The following DOCK7 variants were observed in gnomAD, a reference collection of about 807,000 sequenced individuals.
The protein encoded by DOCK7 is dedicator of cytokinesis 7.
Under a neutral mutation model 271.0 loss-of-function variants are expected in DOCK7, and 138 were observed. The ratio of observed to expected loss-of-function variants is 0.51; its 90% CI spans 0.44 to 0.59. The LOEUF is 0.59. DOCK7 is among the 20% of genes least tolerant of loss of function. The probability of loss-of-function intolerance (pLI) is 0.00; values close to 1 mark genes in which losing one functional copy is unlikely to be tolerated. For missense variants in DOCK7, 2,066 were observed against 2,592.4 expected (o/e 0.80, Z 4.41); for synonymous variants, 823 against 876.1 (o/e 0.94, Z 1.07).
chr1:62,469,106 T>C (rs1236827061), intron 48 of DOCK7, among the ~76,000 whole-genome samples: 3 of 152,130 alleles, frequency 2.0e-5, no homozygotes, highest in East Asian at 3.8e-4. Context: ...AGAGCCCACA[T>C]AGCCAAAGCG....
chr1:62,454,899 G>A lies in DOCK7; in HGVS notation c.*515C>T. ...AACAGTTACCAAACTCATTAATTTGGGGCTATCTATGATTTTTATTCTGCT... is the reference window on the plus strand; with the variant it reads ...AACAGTTACCAAACTCATTAATTTGAGGCTATCTATGATTTTTATTCTGCT... On this transcript the variant is annotated 3_prime_UTR_variant, in exon 50 of 50. Transcript: ENST00000635253. 2 of 273,954 alleles carry A rather than the reference G, an allele frequency of 7.3e-6. No homozygotes were observed. Among genetic ancestry groups the A allele is most frequent in the East Asian group, 1.2e-4 (2 of 16,150 alleles). 17.0% of individuals were successfully genotyped at this position (273,954 alleles called of 1,614,324 possible).
chr1:62,575,113 C>T (rs866451215), intron 18 of DOCK7, among the ~76,000 whole-genome samples: 4 of 152,238 alleles, frequency 2.6e-5, no homozygotes, highest in African/African-American at 9.6e-5. Context: ...ACAACCACAG[C>T]AAAGTGCAGC....
chr1:62,675,098 G>C (rs916221938), intron 1 of DOCK7, among the ~76,000 whole-genome samples: 1 of 152,116 alleles, frequency 6.6e-6, no homozygotes, highest in Non-Finnish European at 1.5e-5. Context: ...CAACTCAAAA[G>C]CAAGATAAAT....
At chr1:62,586,180 T>C (rs780665051) in intron 15 of DOCK7, among the ~76,000 whole-genome samples, 4 of 152,198 alleles carry the variant, frequency 2.6e-5, no homozygotes, top group Non-Finnish European at 4.4e-5. Flanking sequence ...ACAGAAAAGA[T>C]ATCTCTACTT....
chr1:62,584,485 G>A, intron 15 of DOCK7: 2 of 1,045,902 alleles, frequency 1.9e-6, no homozygotes, highest in Non-Finnish European at 2.3e-6. Context: ...TAAAAACATT[G>A]TATTTTCATA....
At chr1:62,561,828 AAATT>A (rs1409283037) in intron 18 of DOCK7, 125 bp from the exon 19 acceptor site, 205 of 512,952 alleles carry the variant, frequency 4.0e-4, no homozygotes, top group African/African-American at 3.7e-3. Flanking sequence ...CACTGTAAAT[AAATT>A]AAGAACTTTT....
chr1:62,626,381 G>C (rs1186650378), intron 11 of DOCK7, among the ~76,000 whole-genome samples: 2 of 151,850 alleles, frequency 1.3e-5, no homozygotes, highest in African/African-American at 4.8e-5. Flanking sequence ...GGCAACTGCA[G>C]AGTGGAAATA....
chr1:62,495,543 C>G (rs1646596206), intron 39 of DOCK7, 38 bp downstream of exon 39: 1 of 1,378,426 alleles, frequency 7.3e-7, no homozygotes. Context: ...CTTACTAAGT[C>G]CCTTATACAA....
intron 43 of DOCK7, chr1:62,485,129 C>G: frequency 1.0e-6 from 1 of 983,132 alleles, no homozygotes; most frequent in Non-Finnish European, 1.2e-6. Flanking sequence ...GAGTGAGACC[C>G]CATCTCATAA....
chr1:62,654,598 G>T (rs1380884524), intron 2 of DOCK7, among the ~76,000 whole-genome samples: 1 of 152,030 alleles, frequency 6.6e-6, no homozygotes, highest in Non-Finnish European at 1.5e-5. Context: ...TCAGACTGGG[G>T]TAGGCTAAAA....
chr1:62,541,838 T>C (rs1166221575), intron 25 of DOCK7, among the ~76,000 whole-genome samples: 1 of 152,180 alleles, frequency 6.6e-6, no homozygotes, highest in Non-Finnish European at 1.5e-5. Context: ...ATTAATTCAC[T>C]CATTTTAAAA....
intron 39 of DOCK7, 161 bp downstream of exon 39, chr1:62,495,420 C>G (rs1646591968): frequency 2.1e-6 from 1 of 465,928 alleles, no homozygotes; most frequent in South Asian, 4.5e-5. Context: ...GGTAAAACCC[C>G]ATCTCTACAA....
intron 43 of DOCK7, chr1:62,486,667 C>A (rs890437726): frequency 6.6e-6 from 1 of 151,976 alleles, no homozygotes; most frequent in African/African-American, 2.4e-5. Flanking sequence ...AACAATATAT[C>A]AAATGCTGTC....
chr1:62,582,870 A>T (rs1265321095), intron 16 of DOCK7, among the ~76,000 whole-genome samples: 1 of 152,226 alleles, frequency 6.6e-6, no homozygotes, highest in Non-Finnish European at 1.5e-5. Context: ...TAAAGGGTAA[A>T]GTTACTACAA....
At position 62,559,137 on chromosome 1, in the gene DOCK7, G is replaced by T; in HGVS notation, c.2283C>A (p.Ile761=). Reference sequence around the variant, plus strand: ...ATTCATTTTCTAAGTTATTTTCCATGATTCGCATGTCCCCAATTCGGACTG... The same window carrying T: ...ATTCATTTTCTAAGTTATTTTCCATTATTCGCATGTCCCCAATTCGGACTG... The part of the protein sequence containing the change: ...LFPVRIGDMR[I]MENNLENELK... Residue 761 remains isoleucine, a synonymous_variant, in exon 20 of 50, where the codon ATC becomes ATA. Transcript: ENST00000635253. 6.2e-7 allele frequency: 1 copy of T among 1,613,748 alleles called. No homozygotes were observed. The highest frequency in any genetic ancestry group is 1.1e-5 in the South Asian group (1 of 91,052).
intron 35 of DOCK7, among the ~76,000 whole-genome samples, chr1:62,507,143 T>C (rs763560861): frequency 6.6e-6 from 1 of 151,598 alleles, no homozygotes; most frequent in East Asian, 2.0e-4. Context: ...CTCACAACAA[T>C]GTACAGAATG....
At chr1:62,544,879 T>A in intron 23 of DOCK7, 68 bp downstream of exon 23, 1 of 1,227,138 alleles carries the variant, frequency 8.1e-7, no homozygotes, top group Non-Finnish European at 1.1e-6. Flanking sequence ...TCATAGTATA[T>A]ACTAAAAAGT....
chr1:62,636,465 T>A (rs1571857403), intron 8 of DOCK7, 72 bp downstream of exon 8: 2 of 1,203,956 alleles, frequency 1.7e-6, no homozygotes, highest in Non-Finnish European at 2.3e-6. Context: ...AAAAAATCAA[T>A]CTTATAAAAC....
At chr1:62,515,654 A>G (rs1245541353) in intron 31 of DOCK7, among the ~76,000 whole-genome samples, 1 of 152,170 alleles carries the variant, frequency 6.6e-6, no homozygotes, top group African/African-American at 2.4e-5. Flanking sequence ...TTTTCCATCA[A>G]ATTGTTCTAT....
Sources: allele counts gnomAD v4.1 joint callset (sites outside exome capture counted in the v4.1 genomes callset), GRCh38; gene constraint gnomAD v4.1.1; transcripts MANE v1.5; gene names NCBI Gene and HGNC (gene_info 2026-07-23, HGNC 2026-07-21).